DPP10: variants seen among roughly 807,000 people sequenced by gnomAD.
DPP10 encodes the protein inactive dipeptidyl peptidase 10.
In DPP10, 33 loss-of-function variants were observed where a neutral mutation model predicts 120.9. That is an observed-to-expected ratio of 0.27 (90% CI 0.21 to 0.37). The LOEUF (loss-of-function observed/expected upper bound fraction) is 0.37, where lower values mean the gene tolerates loss of function less well. Ranked by LOEUF, DPP10 falls within the 10% of genes least tolerant of loss-of-function variation. The pLI is 1.00. For missense variants in DPP10, 816 were observed against 942.8 expected, an observed-to-expected ratio of 0.87 and a Z score of 1.76; for synonymous variants, 337 against 326.1, an observed-to-expected ratio of 1.03 and a Z score of -0.36.
intron 5 of DPP10, among the ~76,000 whole-genome samples, chr2:115,602,325 A>T (rs999945575): frequency 6.6e-6 from 1 of 152,122 alleles, no homozygotes; most frequent in Non-Finnish European, 1.5e-5. Flanking sequence ...TGAATGGTTT[A>T]AAAAAATGCT....
intron 19 of DPP10, among the ~76,000 whole-genome samples, chr2:115,791,977 G>A (rs1684040603): frequency 1.3e-5 from 2 of 152,156 alleles, no homozygotes; most frequent in Middle Eastern, 6.8e-3. Context: ...ATATGATCAG[G>A]TAGCATATTG....
chr2:115,461,580 T>G (rs1402374711), intron 3 of DPP10, among the ~76,000 whole-genome samples: 1 of 152,140 alleles, frequency 6.6e-6, no homozygotes, highest in African/African-American at 2.4e-5. Context: ...ATGGATGTCT[T>G]AACCAGTTTG....
At chr2:115,631,104 G>A (rs891839165) in intron 5 of DPP10, among the ~76,000 whole-genome samples, 21 of 128,384 alleles carry the variant, frequency 1.6e-4, no homozygotes, top group African/African-American at 6.3e-4. Flanking sequence ...TTCAGAACTT[G>A]TTATTGGACT....
intron 1 of DPP10, among the ~76,000 whole-genome samples, chr2:114,892,770 T>A (rs527846771): frequency 6.6e-6 from 1 of 152,262 alleles, no homozygotes; most frequent in East Asian, 1.9e-4. Flanking sequence ...TTTAATCACT[T>A]TAAACTCCCA....
chr2:115,446,928 G>A lies in DPP10; in HGVS notation c.272-52582G>A, dbSNP rs115057678. 3.7e-3 allele frequency among the ~76,000 whole-genome samples: 556 copies of A among 152,276 alleles called. 3 individuals carry two copies. Among genetic ancestry groups the A allele is most frequent in the African/African-American group, 0.013 (544 of 41,554 alleles). ...TGAAATGCACGAGGTTAGAAAGGGA[G>A]CTGGAACTTAAAACAGTGGTATTTG... On this transcript the variant is annotated intron_variant, in intron 3 of 25. Coordinates refer to ENST00000410059, the MANE Select transcript of DPP10 (RefSeq NM_020868.6).
chr2:115,296,982 C>T (rs1472989488), intron 1 of DPP10, among the ~76,000 whole-genome samples: 2 of 151,912 alleles, frequency 1.3e-5, no homozygotes, highest in African/African-American at 4.8e-5. Context: ...TCCTCAAGAA[C>T]GATTATGTAT....
intron 3 of DPP10, among the ~76,000 whole-genome samples, chr2:115,395,970 C>G (rs773338048): frequency 2.0e-5 from 3 of 152,080 alleles, no homozygotes; most frequent in Non-Finnish European, 2.9e-5. Context: ...TACCCAGCTA[C>G]CTGATTCTGC....
At chr2:115,151,230 A>G (rs1437402651) in intron 1 of DPP10, among the ~76,000 whole-genome samples, 2 of 152,130 alleles carry the variant, frequency 1.3e-5, no homozygotes, top group Non-Finnish European at 2.9e-5. Flanking sequence ...AAGTTTAATA[A>G]TAATAATCTT....
At chr2:115,576,759 G>C (rs890728188) in intron 5 of DPP10, among the ~76,000 whole-genome samples, 1 of 152,080 alleles carries the variant, frequency 6.6e-6, no homozygotes, top group African/African-American at 2.4e-5. Flanking sequence ...CAAAATTGAA[G>C]TCCATCCTCC....
chr2:114,663,670 G>GAGAGAGAGAGAGAGAA (rs1277442511), intron 1 of DPP10, among the ~76,000 whole-genome samples: 8 of 109,458 alleles, frequency 7.3e-5, no homozygotes, highest in African/African-American at 3.9e-4. Flanking sequence ...TATATATATA[G>GAGAGAGAGAGAGAGAA]AGAGAGAGAG....
intron 17 of DPP10, among the ~76,000 whole-genome samples, chr2:115,790,375 G>T (rs1286061273): frequency 1.3e-5 from 2 of 152,138 alleles, no homozygotes; most frequent in African/African-American, 4.8e-5. Flanking sequence ...CACCGCGCCC[G>T]GCCTAGAAGG....
At chr2:114,631,485 A>C (rs1296044654) in intron 1 of DPP10, among the ~76,000 whole-genome samples, 1 of 152,128 alleles carries the variant, frequency 6.6e-6, no homozygotes, top group Non-Finnish European at 1.5e-5. Context: ...ACTTTAAACT[A>C]AGTTGAGCAT....
At chr2:114,462,236 C>A in intron 1 of DPP10, 1 of 729,070 alleles carries the variant, frequency 1.4e-6, no homozygotes, top group Non-Finnish European at 1.7e-6. Flanking sequence ...TATATACCAC[C>A]CTATTGCTAA....
At chr2:115,468,957 C>CTT (rs55673607) in intron 3 of DPP10, 15 of 183,310 alleles carry the variant, frequency 8.2e-5, no homozygotes, top group South Asian at 3.6e-4. Flanking sequence ...TTCATAGATA[C>CTT]TTTTTTTTTT....
At chr2:115,785,954 C>A (rs766320222) in intron 17 of DPP10, among the ~76,000 whole-genome samples, 3 of 151,454 alleles carry the variant, frequency 2.0e-5, no homozygotes, top group Non-Finnish European at 4.4e-5. Flanking sequence ...CTTAGGATAG[C>A]TTCTTTGGAA....
intron 1 of DPP10, among the ~76,000 whole-genome samples, chr2:115,090,565 C>T (rs1343677842): frequency 1.3e-5 from 2 of 152,146 alleles, no homozygotes; most frequent in Non-Finnish European, 2.9e-5. Context: ...AACTTAGGGG[C>T]ATTGCTCTGT....
intron 2 of DPP10, among the ~76,000 whole-genome samples, chr2:115,333,219 T>C (rs984259400): frequency 3.3e-5 from 5 of 152,190 alleles, no homozygotes; most frequent in Non-Finnish European, 2.9e-5. Context: ...GTTTAAAGTC[T>C]GTTTTATCAG....
intron 17 of DPP10, among the ~76,000 whole-genome samples, chr2:115,790,669 G>A (rs1280939370): frequency 6.6e-6 from 1 of 152,014 alleles, no homozygotes; most frequent in African/African-American, 2.4e-5. Context: ...TATATAACAT[G>A]CTCATGCTTT....
chr2:115,384,408 GAGAAGA>G (rs143889616), intron 3 of DPP10, among the ~76,000 whole-genome samples: 60,441 of 148,746 alleles, frequency 0.41, 15,069 homozygotes, highest in Non-Finnish European at 0.56. Context: ...GAAGGAGAAG[GAGAAGA>G]AGAAGAAGAA....
Sources: gnomAD v4.1 joint callset for allele counts (sites outside exome capture counted in the v4.1 genomes callset) on GRCh38, gnomAD v4.1.1 for gene constraint, MANE v1.5 for transcripts, NCBI Gene and HGNC (gene_info 2026-07-23, HGNC 2026-07-21) for gene names.